Variants in SSBP2 observed in about 807,000 individuals in gnomAD.
The protein encoded by SSBP2 is single stranded DNA binding protein 2.
In SSBP2, 17 loss-of-function variants were observed where a neutral mutation model predicts 61.8. That is an observed-to-expected ratio of 0.28 (90% CI 0.19 to 0.41). The LOEUF (loss-of-function observed/expected upper bound fraction) is 0.41, where lower values mean the gene tolerates loss of function less well. Among genes scored for constraint, SSBP2 ranks in the 10% least tolerant of loss-of-function variants. The probability of loss-of-function intolerance (pLI) is 1.00; values close to 1 mark genes in which losing one functional copy is unlikely to be tolerated. For missense variants in SSBP2, 310 were observed against 458.7 expected (o/e 0.68, Z 2.96); for synonymous variants, 139 against 141.3 (o/e 0.98, Z 0.12).
At chr5:81,637,669 C>T (rs1323615774) in intron 2 of SSBP2, among the ~76,000 whole-genome samples, 1 of 152,142 alleles carries the variant, frequency 6.6e-6, no homozygotes. Context: ...TCACCTATAT[C>T]ACAAGGTTGT....
At chr5:81,650,472 C>T in intron 1 of SSBP2, 133 bp from the exon 2 acceptor site, 1 of 476,014 alleles carries the variant, frequency 2.1e-6, no homozygotes, top group Non-Finnish European at 3.7e-6. Flanking sequence ...CATACTATTT[C>T]AATAGGAATT....
chr5:81,572,857 A>G (rs1581057083), intron 4 of SSBP2, among the ~76,000 whole-genome samples: 3 of 152,294 alleles, frequency 2.0e-5, no homozygotes, highest in South Asian at 4.1e-4. Flanking sequence ...GATTCAACAT[A>G]TGTTGAACAT....
chr5:81,455,670 C>T (rs1764095719), intron 10 of SSBP2, among the ~76,000 whole-genome samples: 1 of 148,314 alleles, frequency 6.7e-6, no homozygotes, highest in South Asian at 2.2e-4. Context: ...CCTTCTAACC[C>T]TACCCTATAC....
At chr5:81,706,965 T>C (rs1464268829) in intron 1 of SSBP2, among the ~76,000 whole-genome samples, 1 of 152,196 alleles carries the variant, frequency 6.6e-6, no homozygotes, top group Non-Finnish European at 1.5e-5. Context: ...TCAGTTAATC[T>C]TATGTATTCT....
intron 6 of SSBP2, among the ~76,000 whole-genome samples, chr5:81,487,409 T>C (rs1766465343): frequency 6.6e-6 from 1 of 152,108 alleles, no homozygotes; most frequent in Admixed American, 6.6e-5. Flanking sequence ...TAGATTAAAA[T>C]GTTGGAAGAT....
At chr5:81,463,756 CTCTTT>C (rs1264219583) in intron 9 of SSBP2, among the ~76,000 whole-genome samples, 1 of 145,916 alleles carries the variant, frequency 6.9e-6, no homozygotes, top group African/African-American at 2.5e-5. Flanking sequence ...GAGAAAAATC[CTCTTT>C]TTTTTTTTTT....
intron 4 of SSBP2, among the ~76,000 whole-genome samples, chr5:81,565,351 A>C (rs1395601238): frequency 6.6e-6 from 1 of 152,188 alleles, no homozygotes; most frequent in Admixed American, 6.5e-5. Flanking sequence ...CATATAGAAC[A>C]TAAAAAAAAT....
intron 16 of SSBP2, 64 bp downstream of exon 16, chr5:81,428,521 T>C: frequency 1.5e-6 from 2 of 1,327,634 alleles, no homozygotes; most frequent in Non-Finnish European, 2.2e-6. Flanking sequence ...GCTTTATGCA[T>C]TTATTCTAGC....
chr5:81,432,760 G>C (rs1048493003), intron 15 of SSBP2, among the ~76,000 whole-genome samples: 1 of 144,336 alleles, frequency 6.9e-6, no homozygotes, highest in Non-Finnish European at 1.5e-5. Flanking sequence ...AGGGAGGTGG[G>C]GGGGTCAGCC....
chr5:81,448,011 C>T (rs1763513087), intron 11 of SSBP2: 2 of 152,086 alleles, frequency 1.3e-5, no homozygotes, highest in African/African-American at 4.8e-5. Context: ...CACTGATTTT[C>T]TTCTTATGCG....
At position 81,437,632 on chromosome 5, in the gene SSBP2, C is replaced by T. The variant is rs1168330446; in HGVS notation, c.929-174G>A. 3.4e-5 allele frequency: 15 copies of T among 443,208 alleles called. 1 individual carries two copies. The Middle Eastern group carries it at 3.8e-3, about 112-fold the overall frequency. 27.5% of individuals were successfully genotyped at this position (443,208 alleles called of 1,614,324 possible). ...TTTATACAGTATAGTGAATCAGTAC[C>T]ATCTGATGGAAAATGCAAGGAGTTC... On this transcript the variant is annotated intron_variant, in intron 14 of 16. Coordinates refer to ENST00000320672, the MANE Select transcript of SSBP2 (RefSeq NM_012446.5).
chr5:81,550,520 G>GA (rs34104428), intron 4 of SSBP2, among the ~76,000 whole-genome samples: 1 of 152,112 alleles, frequency 6.6e-6, no homozygotes, highest in African/African-American at 2.4e-5. Flanking sequence ...AGAGGGGCAT[G>GA]AAAAAATTAC....
chr5:81,452,144 T>C (rs1390983884), intron 10 of SSBP2, among the ~76,000 whole-genome samples: 1 of 152,218 alleles, frequency 6.6e-6, no homozygotes. Flanking sequence ...TGCTATGTTA[T>C]ATAGCTGCTA....
At chr5:81,568,321 G>T (rs1773590492) in intron 4 of SSBP2, among the ~76,000 whole-genome samples, 1 of 152,124 alleles carries the variant, frequency 6.6e-6, no homozygotes, top group African/African-American at 2.4e-5. Flanking sequence ...GTTTTATCAG[G>T]TGTTTCCGGT....
intron 1 of SSBP2, among the ~76,000 whole-genome samples, chr5:81,741,866 C>A (rs991417547): frequency 6.6e-5 from 10 of 152,136 alleles, no homozygotes; most frequent in African/African-American, 1.9e-4. Flanking sequence ...AATGAAAGTA[C>A]TGACATAAAC....
At chr5:81,700,494 A>C (rs910245706) in intron 1 of SSBP2, among the ~76,000 whole-genome samples, 3 of 152,212 alleles carry the variant, frequency 2.0e-5, no homozygotes, top group Non-Finnish European at 4.4e-5. Flanking sequence ...CATTGGCTTC[A>C]GCTTAAAGTC....
At chr5:81,482,976 T>C (rs192114571) in intron 6 of SSBP2, among the ~76,000 whole-genome samples, 20 of 152,288 alleles carry the variant, frequency 1.3e-4, no homozygotes, top group Admixed American at 7.2e-4. Flanking sequence ...GGGTTATCAG[T>C]TGGCCCAATT....
At chr5:81,751,342 C>T, upstream of SSBP2, 1 of 523,224 alleles carries the variant, frequency 1.9e-6, no homozygotes, top group South Asian at 2.3e-5. Flanking sequence ...ACCCGCTCTC[C>T]TTCCCCCTCC....
intron 5 of SSBP2, among the ~76,000 whole-genome samples, chr5:81,504,841 T>C (rs1049375023): frequency 3.3e-5 from 5 of 152,248 alleles, no homozygotes; most frequent in Non-Finnish European, 4.4e-5. Flanking sequence ...TGTTGCTAAA[T>C]ATCATTGACA....
Sources: gnomAD v4.1 joint callset for allele counts (sites outside exome capture counted in the v4.1 genomes callset) on GRCh38, gnomAD v4.1.1 for gene constraint, MANE v1.5 for transcripts, NCBI Gene and HGNC (gene_info 2026-07-23, HGNC 2026-07-21) for gene names.